Variants in CCDC180 observed in about 807,000 individuals in gnomAD.
CCDC180 encodes the protein coiled-coil domain-containing protein 180.
In CCDC180, 154 loss-of-function variants were observed where a neutral mutation model predicts 209.2. That is an observed-to-expected ratio of 0.74 (90% CI 0.65 to 0.84). The LOEUF (loss-of-function observed/expected upper bound fraction) is 0.84. Among genes scored for constraint, CCDC180 ranks in the 40% least tolerant of loss-of-function variants. CCDC180 has a pLI of 0.00. For missense variants in CCDC180, 1,874 were observed against 1,997.3 expected, an observed-to-expected ratio of 0.94 and a Z score of 1.18; for synonymous variants, 778 against 749.1, an observed-to-expected ratio of 1.04 and a Z score of -0.63.
At chr9:97,317,300 C>T (rs1365622311) in intron 9 of CCDC180, 72 bp downstream of exon 9, 1 of 1,344,824 alleles carries the variant, frequency 7.4e-7, no homozygotes, top group East Asian at 2.7e-5. Flanking sequence ...CGGCATTCTC[C>T]CTCACTTTTT....
intron 18 of CCDC180, among the ~76,000 whole-genome samples, chr9:97,337,435 C>G (rs961684639): frequency 6.6e-6 from 1 of 152,048 alleles, no homozygotes; most frequent in Admixed American, 6.5e-5. Context: ...TGGGTTTTGT[C>G]TTTGGTTCTG....
intron 19 of CCDC180, 49 bp from the exon 20 acceptor site, chr9:97,347,265 A>T (rs796942141): frequency 6.6e-7 from 1 of 1,522,640 alleles, no homozygotes; most frequent in Non-Finnish European, 8.8e-7. Flanking sequence ...AAGACCTCTC[A>T]TGGGTCATGA....
chr9:97,329,280 G>A (rs776105170), intron 16 of CCDC180, among the ~76,000 whole-genome samples: 2 of 152,214 alleles, frequency 1.3e-5, no homozygotes, highest in Non-Finnish European at 2.9e-5. Flanking sequence ...CCATTTCATG[G>A]AAGATAACAC....
intron 24 of CCDC180, 130 bp from the exon 25 acceptor site, chr9:97,357,497 C>A (rs868384307): frequency 1.4e-6 from 1 of 703,148 alleles, no homozygotes. Flanking sequence ...TCTGGTAAAA[C>A]TGCATATTTT....
chr9:97,367,174 A>G (rs1826947041), intron 31 of CCDC180, among the ~76,000 whole-genome samples: 1 of 152,206 alleles, frequency 6.6e-6, no homozygotes, highest in South Asian at 2.1e-4. Context: ...ATGAGAATAG[A>G]ATTGTATAGT....
chr9:97,326,726 G>A, intron 15 of CCDC180, 57 bp downstream of exon 15: 3 of 1,131,678 alleles, frequency 2.7e-6, no homozygotes, highest in Middle Eastern at 3.9e-4. Context: ...CATCTTCAAG[G>A]TCAAGGGCAG....
chr9:97,328,974 A>G (rs1367265148), intron 16 of CCDC180, among the ~76,000 whole-genome samples: 1 of 152,132 alleles, frequency 6.6e-6, no homozygotes, highest in Non-Finnish European at 1.5e-5. Flanking sequence ...CCTGGTTTGA[A>G]TCCCCCAGAG....
At chr9:97,370,896 G>A (rs556473899) in intron 33 of CCDC180, 118 bp downstream of exon 33, 14 of 1,081,574 alleles carry the variant, frequency 1.3e-5, no homozygotes, top group East Asian at 2.7e-5. Context: ...AGGCATGATC[G>A]TGGTTGGGTT....
Position 97,378,247 on chromosome 9 carries a change from C to T in CCDC180, c.*1353C>T, listed in dbSNP as rs1307005711. On this transcript the variant is annotated 3_prime_UTR_variant, in exon 37 of 37. Transcript: ENST00000529487. ...CTGGAATCTAGAGACAGTCACTGTCCATAGCATCTTTCCATGTATGTGAGT... is the reference window on the plus strand; with the variant it reads ...CTGGAATCTAGAGACAGTCACTGTCTATAGCATCTTTCCATGTATGTGAGT... The T allele has an allele frequency of 6.6e-6, 1 of 152,124 alleles. No individual in the cohort carries two copies. The allele number at this position is 152,124 out of a possible 1,614,324, so 9.4% of individuals were successfully genotyped here.
Position 97,362,409 on chromosome 9 carries a change from T to A in CCDC180, c.3870T>A (p.Ala1290=), listed in dbSNP as rs139080917. 458 of 1,614,156 alleles carry A rather than the reference T, an allele frequency of 2.8e-4. No individual in the cohort carries two copies. The highest frequency in any genetic ancestry group is 3.7e-4 in the Non-Finnish European group (441 of 1,180,022). The change falls in exon 28 of 37, where the codon GCT becomes GCA. Residue 1290 remains alanine (A), a synonymous_variant. Transcript: ENST00000529487. ...AGCCAGAAAACTCTGGGAAGAAGGC[T>A]GTACCCAGTGCCAGTGCTACCTCTG... ...RCQPENSGKK[A]VPSASATSAG...
chr9:97,362,543 C>T (rs1826795018), intron 28 of CCDC180, 102 bp downstream of exon 28: 4 of 1,498,784 alleles, frequency 2.7e-6, no homozygotes, highest in Non-Finnish European at 3.6e-6. Flanking sequence ...CAGAAGGCAC[C>T]ACAATGCTCA....
chr9:97,348,693 G>C (rs1384842168), intron 20 of CCDC180, among the ~76,000 whole-genome samples: 1 of 152,140 alleles, frequency 6.6e-6, no homozygotes, highest in Non-Finnish European at 1.5e-5. Flanking sequence ...AAGACAGTTG[G>C]AATTCAGGCT....
chr9:97,360,665 A>C (rs1587828666), intron 26 of CCDC180, among the ~76,000 whole-genome samples: 1 of 150,230 alleles, frequency 6.7e-6, no homozygotes, highest in African/African-American at 2.5e-5. Flanking sequence ...CATCCCTCTC[A>C]CTCCGCCTAA....
chr9:97,314,817 T>C lies in CCDC180; in HGVS notation c.700-34T>C, dbSNP rs1295084240. On this transcript the variant is annotated intron_variant, in intron 7 of 36. Transcript: ENST00000529487. ...TGTTTCCTTTTAGTTCTCCAGGAAGTGAGCCACTAAGTATGGTGCCTTGTC... is the reference window on the plus strand; with the variant it reads ...TGTTTCCTTTTAGTTCTCCAGGAAGCGAGCCACTAAGTATGGTGCCTTGTC... The C allele has an allele frequency of 4.4e-6, 7 of 1,597,974 alleles. No individual in the cohort carries two copies. The East Asian group carries it at 1.6e-4, about 36-fold the overall frequency.
rs189233093 is a variant in CCDC180 at position 97,360,352 on chromosome 9, C to T, written c.3483+251C>T. Among the ~76,000 whole-genome samples, 983 of 152,192 alleles carry T rather than the reference C, an allele frequency of 6.5e-3. 2 individuals are homozygous for T. The highest frequency in any genetic ancestry group is 9.0e-3 in the Non-Finnish European group (609 of 67,988). ...AGCTCCTGGCACTACCTCACCTGCT[C>T]CATCAGGACCCTCACTCACCCTATC... is the stretch of plus-strand genomic sequence containing the variant. On this transcript the variant is annotated intron_variant, in intron 26 of 36. Transcript: ENST00000529487.
At chr9:97,357,979 G>C (rs1465009892) in intron 25 of CCDC180, 20 of 367,986 alleles carry the variant, frequency 5.4e-5, no homozygotes, top group Non-Finnish European at 9.2e-5. Context: ...GGGGAGGCCT[G>C]AGTCTGGCTT....
At chr9:97,352,312 G>C (rs866867849) in intron 22 of CCDC180, among the ~76,000 whole-genome samples, 1 of 152,118 alleles carries the variant, frequency 6.6e-6, no homozygotes, top group Non-Finnish European at 1.5e-5. Context: ...TTAGAGGAAG[G>C]GTAAATGATG....
intron 34 of CCDC180, 164 bp from the exon 35 acceptor site, chr9:97,374,379 T>C (rs1238802322): frequency 3.3e-6 from 2 of 599,420 alleles, no homozygotes; most frequent in Non-Finnish European, 5.9e-6. Context: ...CCGAGCTGTG[T>C]GGCTGGTGCA....
chr9:97,314,630 C>G lies in CCDC180; in HGVS notation c.601C>G (p.Leu201Val). Residue 201 changes from leucine (L) to valine (V), a missense_variant, in exon 7 of 37, where the codon CTG becomes GTG. By Grantham distance (32) the Leu-to-Val change is conservative (BLOSUM62 1). Coordinates refer to ENST00000529487, the MANE Select transcript of CCDC180 (RefSeq NM_020893.6). ...EDYTIQALLE[L>V]WDKVAGRLLL... ...CTTCTCTGCGTAGGCCCTGCTGGAGCTGTGGGATAAGGTGGCCGGGCGGTT... is the reference window on the plus strand; with the variant it reads ...CTTCTCTGCGTAGGCCCTGCTGGAGGTGTGGGATAAGGTGGCCGGGCGGTT... The G allele has an allele frequency of 6.2e-7, 1 of 1,614,010 alleles. No homozygotes were observed. Among genetic ancestry groups the G allele is most frequent in the Non-Finnish European group, 8.5e-7 (1 of 1,179,960 alleles).
Sources: gnomAD v4.1 joint callset for allele counts (sites outside exome capture counted in the v4.1 genomes callset) on GRCh38, gnomAD v4.1.1 for gene constraint, MANE v1.5 for transcripts, NCBI Gene and HGNC (gene_info 2026-07-23, HGNC 2026-07-21) for gene names.